EP300: variants seen among roughly 807,000 people sequenced by gnomAD.
EP300 encodes the protein EP300 lysine acetyltransferase, also known as histone acetyltransferase p300.
Under a neutral mutation model 264.0 loss-of-function variants are expected in EP300, and 31 were observed. The observed-to-expected ratio is 0.12, with a 90% CI of 0.09 to 0.16. The LOEUF is 0.16. Among genes scored for constraint, EP300 ranks in the 10% least tolerant of loss-of-function variants. The pLI is 1.00. For missense variants in EP300, 2,766 were observed against 3,052.9 expected, an observed-to-expected ratio of 0.91 and a Z score of 2.21; for synonymous variants, 1,340 against 1,045.4, an observed-to-expected ratio of 1.28 and a Z score of -5.44.
In EP300 at chr22:41,177,312, G is replaced by A. The variant is rs1250353355; in HGVS notation, c.5601G>A (p.Gln1867=). The A allele has an allele frequency of 5.0e-6, 8 of 1,613,848 alleles. No individual in the cohort carries two copies. The highest frequency in any genetic ancestry group is 5.9e-6 in the Non-Finnish European group (7 of 1,180,008). Residue 1867 remains glutamine, a synonymous_variant, in exon 31 of 31, where the codon CAG becomes CAA. Transcript: ENST00000263253. ...CTGGCCAACAGCCAACCACCCCGCA[G>A]ACGCCCCAGCCCACTTCTCAGCCTC... The part of the protein sequence containing the change: ...TPTGQQPTTP[Q]TPQPTSQPQP...
intron 7 of EP300, among the ~76,000 whole-genome samples, chr22:41,136,871 G>A (rs1306648601): frequency 1.3e-5 from 2 of 151,416 alleles, no homozygotes; most frequent in African/African-American, 2.4e-5. Flanking sequence ...ACCAGCCTGG[G>A]CAACATGGCG....
chr22:41,112,618 G>A (rs969106120), intron 1 of EP300, among the ~76,000 whole-genome samples: 2 of 152,014 alleles, frequency 1.3e-5, no homozygotes, highest in African/African-American at 4.8e-5. Flanking sequence ...TTGAGCCTTT[G>A]GTTTGCTCTT....
intron 9 of EP300, 61 bp downstream of exon 9, chr22:41,140,318 C>A: frequency 8.7e-7 from 1 of 1,142,912 alleles, no homozygotes; most frequent in South Asian, 1.2e-5. Flanking sequence ...TTATTTTATT[C>A]CTCTTTAGCA....
intron 22 of EP300, 112 bp downstream of exon 22, chr22:41,164,242 A>G: frequency 9.3e-7 from 1 of 1,071,288 alleles, no homozygotes; most frequent in Non-Finnish European, 1.4e-6. Context: ...CTATCTTTAA[A>G]TTGTTTTCTT....
Position 41,179,455 on chromosome 22 carries a change from T to A in EP300, c.*499T>A, listed in dbSNP as rs1273245893. 6.2e-6 allele frequency: 1 copy of A among 160,250 alleles called. No individual in the cohort carries two copies. The highest frequency in any genetic ancestry group is 1.3e-5 in the Non-Finnish European group (1 of 75,008). The allele number at this position is 160,250 out of a possible 1,614,324, so 9.9% of individuals were successfully genotyped here. A position where few individuals can be genotyped will look rare whatever the true frequency, so the allele number is the denominator to read the frequency against. On this transcript the variant is annotated 3_prime_UTR_variant, in exon 31 of 31. Coordinates refer to ENST00000263253, the MANE Select transcript of EP300 (RefSeq NM_001429.4). ...TTTAAAATTACATTCTATATATATA[T>A]AAATATATATAAATATATATTAAAA...
At chr22:41,149,213 T>G in intron 13 of EP300, 38 bp downstream of exon 13, 1 of 1,612,810 alleles carries the variant, frequency 6.2e-7, no homozygotes, top group Non-Finnish European at 8.5e-7. Flanking sequence ...TATTTTTGAT[T>G]CTTGAAACTT....
At chr22:41,136,876 ATGGC>A (rs2058953967) in intron 7 of EP300, among the ~76,000 whole-genome samples, 1 of 151,744 alleles carries the variant, frequency 6.6e-6, no homozygotes, top group African/African-American at 2.4e-5. Context: ...CCTGGGCAAC[ATGGC>A]GAAATCCTGT....
intron 10 of EP300, among the ~76,000 whole-genome samples, chr22:41,145,741 A>G (rs970246595): frequency 3.6e-4 from 54 of 151,936 alleles, no homozygotes; most frequent in African/African-American, 1.3e-3. Flanking sequence ...GGTTCACGCC[A>G]TTCTCCTGCC....
intron 12 of EP300, 28 bp downstream of exon 12, chr22:41,147,974 T>C (rs2059022114): frequency 6.6e-7 from 1 of 1,512,132 alleles, no homozygotes; most frequent in Non-Finnish European, 9.1e-7. Flanking sequence ...GGTAATCTCT[T>C]TGGCCTTTAC....
At chr22:41,112,765 T>C (rs1245253942) in intron 1 of EP300, among the ~76,000 whole-genome samples, 1 of 152,090 alleles carries the variant, frequency 6.6e-6, no homozygotes, top group Non-Finnish European at 1.5e-5. Flanking sequence ...CTTGAAAGTT[T>C]GGTGTAGGGC....
chr22:41,175,670 T>G (rs1334951665), intron 29 of EP300, among the ~76,000 whole-genome samples: 1 of 152,214 alleles, frequency 6.6e-6, no homozygotes, highest in Non-Finnish European at 1.5e-5. Context: ...TTGTCTGGTT[T>G]GTTGTAATTA....
At chr22:41,158,289 C>G in intron 18 of EP300, 123 bp from the exon 19 acceptor site, 1 of 749,038 alleles carries the variant, frequency 1.3e-6, no homozygotes, top group Admixed American at 2.0e-5. Flanking sequence ...CTGAATTAGC[C>G]CATCATTATT....
chr22:41,176,170 A>C, intron 29 of EP300, 77 bp from the exon 30 acceptor site: 1 of 1,561,672 alleles, frequency 6.4e-7, no homozygotes, highest in South Asian at 1.1e-5. Flanking sequence ...TAGTGAGCCA[A>C]GATCACGCCA....
intron 6 of EP300, 88 bp downstream of exon 6, chr22:41,131,721 T>G: frequency 6.3e-7 from 1 of 1,584,654 alleles, no homozygotes; most frequent in Non-Finnish European, 8.6e-7. Flanking sequence ...CTTTTTATTT[T>G]TTCTGCTACA....
intron 28 of EP300, 21 bp from the exon 29 acceptor site, chr22:41,173,602 C>G (rs957944713): frequency 6.2e-7 from 1 of 1,613,474 alleles, no homozygotes; most frequent in Admixed American, 1.7e-5. Flanking sequence ...ATTTTCTTGT[C>G]TCCTTTGTGC....
chr22:41,166,704 T>C (rs369502168), intron 23 of EP300, 38 bp downstream of exon 23: 106 of 1,425,492 alleles, frequency 7.4e-5, no homozygotes, highest in Non-Finnish European at 1.0e-4. Flanking sequence ...TGGCAAAACT[T>C]ATCTGAAGCC....
chr22:41,156,112 A>C (rs2059075457), intron 17 of EP300, among the ~76,000 whole-genome samples: 3 of 152,016 alleles, frequency 2.0e-5, no homozygotes, highest in African/African-American at 7.2e-5. Context: ...CCCGGGTTCA[A>C]GCAGTTCTCC....
rs1006422857 is a variant in EP300, at chr22:41,179,042, C to T, written c.*86C>T. The T allele has an allele frequency of 8.5e-6, 13 of 1,521,658 alleles. No homozygotes were observed. The highest frequency in any genetic ancestry group is 1.2e-5 in the South Asian group (1 of 86,516). The allele number at this position is 1,521,658 out of a possible 1,614,324, so 94.3% of individuals were successfully genotyped here. A position where few individuals can be genotyped will look rare whatever the true frequency, so the allele number is the denominator to read the frequency against. On this transcript the variant is annotated 3_prime_UTR_variant, in exon 31 of 31. Transcript: ENST00000263253. The stretch of plus-strand genomic sequence containing the variant: ...CTGAAAACAATTTTTTTGAATCTTT[C>T]GTAGCCTAAAAGACAATTTTCCTTG...
chr22:41,166,325 G>GGGGA (rs2059133973), intron 22 of EP300, among the ~76,000 whole-genome samples: 1 of 152,098 alleles, frequency 6.6e-6, no homozygotes, highest in Non-Finnish European at 1.5e-5. Context: ...TATCACATTA[G>GGGGA]CAAAACCTAT....
Sources: allele counts gnomAD v4.1 joint callset (sites outside exome capture counted in the v4.1 genomes callset), GRCh38; gene constraint gnomAD v4.1.1; transcripts MANE v1.5; gene names NCBI Gene and HGNC (gene_info 2026-07-23, HGNC 2026-07-21).